Variants in TMEM164 observed in about 807,000 individuals in gnomAD.
The protein encoded by TMEM164 is transmembrane protein 164, also known as RP13-360B22.2.
TMEM164 carries 4 observed loss-of-function variants against 18.8 expected under a neutral mutation model. The observed-to-expected ratio is 0.21, with a 90% CI of 0.10 to 0.49. The LOEUF (loss-of-function observed/expected upper bound fraction) is 0.49, where lower values mean the gene tolerates loss of function less well. TMEM164 is among the 20% of genes least tolerant of loss of function. TMEM164 has a pLI of 0.98. For synonymous variants in TMEM164, 86 were observed against 101.7 expected (o/e 0.85, Z 0.93); for missense variants, 108 against 239.9 (o/e 0.45, Z 3.63).
At chrX:110,008,241 G>GA (rs1303612403) in intron 2 of TMEM164, among the ~76,000 whole-genome samples, 1 of 112,257 alleles carries the variant, frequency 8.9e-6, no homozygotes, top group Non-Finnish European at 1.9e-5. Flanking sequence ...GCAACTCACT[G>GA]AATACACACT....
At chrX:110,040,816 C>T (rs1370391773) in intron 2 of TMEM164, among the ~76,000 whole-genome samples, 1 of 111,097 alleles carries the variant, frequency 9.0e-6, no homozygotes, top group African/African-American at 3.3e-5. Context: ...CACAGCTGAA[C>T]ACTAATATTT....
chrX:110,159,441 A>G (rs1411545044), intron 5 of TMEM164, among the ~76,000 whole-genome samples: 1 of 110,874 alleles, frequency 9.0e-6, no homozygotes, highest in Non-Finnish European at 1.9e-5. Flanking sequence ...ATCCCAGCAG[A>G]GGCGGGGCAG....
intron 2 of TMEM164, among the ~76,000 whole-genome samples, chrX:110,063,370 C>T (rs1225362592): frequency 1.8e-5 from 2 of 111,735 alleles, no homozygotes; most frequent in Non-Finnish European, 3.8e-5. Flanking sequence ...TTGAATGTAA[C>T]ACTGGGGTGG....
chrX:110,121,317 C>G (rs1196790400), intron 4 of TMEM164, among the ~76,000 whole-genome samples: 1 of 112,244 alleles, frequency 8.9e-6, no homozygotes, highest in Non-Finnish European at 1.9e-5. Flanking sequence ...TTCATCACCC[C>G]GAAAAGAAAT....
At chrX:110,060,496 C>T (rs748508842) in intron 2 of TMEM164, among the ~76,000 whole-genome samples, 1 of 111,298 alleles carries the variant, frequency 9.0e-6, no homozygotes, top group Non-Finnish European at 1.9e-5. Context: ...TCCTGTATAT[C>T]CTTCACCCAG....
In TMEM164 at chrX:110,099,502, A is replaced by G. The variant is rs974889968; in HGVS notation, c.441-9578A>G. 4.2e-4 allele frequency among the ~76,000 whole-genome samples: 47 copies of G among 112,128 alleles called. 1 individual carries two copies. The highest frequency in any genetic ancestry group is 1.2e-3 in the African/African-American group (38 of 30,894). On this transcript the variant is annotated intron_variant, in intron 3 of 6. Coordinates refer to ENST00000372068, the MANE Select transcript of TMEM164 (RefSeq NM_032227.4). ...CAATTGCTTCAACCGCATTTACACT[A>G]TTTTCAAAAATCAAATGATTATATT...
Position 110,107,199 on chromosome X carries a change from A to C in TMEM164, c.441-1881A>C, listed in dbSNP as rs919198494. On this transcript the variant is annotated intron_variant, in intron 3 of 6. Coordinates refer to ENST00000372068, the MANE Select transcript of TMEM164 (RefSeq NM_032227.4). ...TTTGGCAGGAGGAAGGGACCAGGGAATTTTATACAAGGCAGCAAGAGAGAT... is the reference window on the plus strand; with the variant it reads ...TTTGGCAGGAGGAAGGGACCAGGGACTTTTATACAAGGCAGCAAGAGAGAT... Among the ~76,000 whole-genome samples, 5 of 111,936 alleles carry C rather than the reference A, an allele frequency of 4.5e-5. 1 individual carries two copies. The Middle Eastern group carries it at 0.018, about 411-fold the overall frequency.
At chrX:110,167,698 A>G (rs2067175351) in intron 5 of TMEM164, among the ~76,000 whole-genome samples, 1 of 111,646 alleles carries the variant, frequency 9.0e-6, no homozygotes, top group Admixed American at 9.5e-5. Context: ...CAGAAAGTCT[A>G]TACCATTCAT....
intron 2 of TMEM164, among the ~76,000 whole-genome samples, chrX:110,048,321 C>T (rs1290774251): frequency 1.8e-5 from 2 of 111,591 alleles, no homozygotes; most frequent in South Asian, 3.8e-4. Context: ...CTCTGATCAT[C>T]GTTTTTATTA....
At chrX:110,096,721 G>A (rs1007605790) in intron 3 of TMEM164, among the ~76,000 whole-genome samples, 2 of 112,014 alleles carry the variant, frequency 1.8e-5, no homozygotes, top group Admixed American at 9.5e-5. Flanking sequence ...GATGAACCTG[G>A]TACCTCAGTT....
intron 3 of TMEM164, among the ~76,000 whole-genome samples, chrX:110,102,807 A>T (rs1474200087): frequency 8.0e-5 from 9 of 112,249 alleles, no homozygotes; most frequent in Non-Finnish European, 1.5e-4. Flanking sequence ...ATGGGATGGA[A>T]TGTAGACTTG....
At chrX:110,180,060 G>A (rs979543327), downstream of TMEM164, among the ~76,000 whole-genome samples, 2 of 112,407 alleles carry the variant, frequency 1.8e-5, no homozygotes, top group South Asian at 7.5e-4. Flanking sequence ...CCTGGATAAG[G>A]AGGCAGTATT....
intron 2 of TMEM164, among the ~76,000 whole-genome samples, chrX:110,039,800 G>A (rs1340169194): frequency 8.9e-6 from 1 of 112,072 alleles, no homozygotes; most frequent in African/African-American, 3.2e-5. Flanking sequence ...AAACTAACTA[G>A]CTTTCATTTA....
chrX:110,034,791 T>C (rs1376310914), intron 2 of TMEM164, among the ~76,000 whole-genome samples: 1 of 102,895 alleles, frequency 9.7e-6, no homozygotes, highest in Non-Finnish European at 2.0e-5. Flanking sequence ...TGCGGCACTA[T>C]TCACAATAGC....
chrX:110,002,623 G>A (rs1932373084), upstream of TMEM164: 1 of 108,304 alleles, frequency 9.2e-6, no homozygotes, highest in East Asian at 3.0e-4. Flanking sequence ...GGGGAAGAAG[G>A]AGGAAGCGAG....
intron 2 of TMEM164, among the ~76,000 whole-genome samples, chrX:110,026,125 T>C (rs1431140217): frequency 8.9e-6 from 1 of 112,378 alleles, no homozygotes; most frequent in Non-Finnish European, 1.9e-5. Flanking sequence ...CCCCAAGAAA[T>C]AGAGCCAGTA....
At chrX:110,162,538 C>T (rs1053017444) in intron 5 of TMEM164, among the ~76,000 whole-genome samples, 18 of 112,095 alleles carry the variant, frequency 1.6e-4, no homozygotes, top group Non-Finnish European at 1.3e-4. Context: ...ACATCCTCCA[C>T]TTCCAAGTAC....
intron 3 of TMEM164, among the ~76,000 whole-genome samples, chrX:110,094,721 A>T (rs1197337915): frequency 1.8e-5 from 2 of 111,678 alleles, no homozygotes; most frequent in Non-Finnish European, 3.8e-5. Flanking sequence ...TCCTGTCATT[A>T]TGATGTTAGC....
intron 5 of TMEM164, among the ~76,000 whole-genome samples, chrX:110,159,372 A>T (rs896235865): frequency 9.1e-6 from 1 of 110,138 alleles, no homozygotes; most frequent in East Asian, 2.9e-4. Context: ...GTCTAGGGGC[A>T]TGCGCATAGT....
Sources: gnomAD v4.1 joint callset for allele counts (sites outside exome capture counted in the v4.1 genomes callset) on GRCh38, gnomAD v4.1.1 for gene constraint, MANE v1.5 for transcripts, NCBI Gene and HGNC (gene_info 2026-07-23, HGNC 2026-07-21) for gene names.